OLFM3: variants seen among roughly 807,000 people sequenced by gnomAD.
OLFM3 encodes olfactomedin 3, also known as noelin-3.
A neutral mutation model predicts 48.6 loss-of-function variants in OLFM3; 20 were observed. The observed-to-expected ratio is 0.41, with a 90% CI of 0.29 to 0.60. OLFM3 has a LOEUF of 0.60. Among genes scored for constraint, OLFM3 ranks in the 20% least tolerant of loss-of-function variants. The pLI is 0.28. For synonymous variants in OLFM3, 222 were observed against 198.1 expected (o/e 1.12, Z -1.01); for missense variants, 437 against 544.3 (o/e 0.80, Z 1.96).
chr1:101,973,279 G>A (rs1376837878), intron 1 of OLFM3, among the ~76,000 whole-genome samples: 1 of 152,178 alleles, frequency 6.6e-6, no homozygotes, highest in East Asian at 1.9e-4. Context: ...TAACCATGGA[G>A]GCCAAAGGCC....
intron 1 of OLFM3, among the ~76,000 whole-genome samples, chr1:101,929,279 C>A (rs1981159): frequency 0.49 from 74,576 of 151,944 alleles, 18,824 homozygotes; most frequent in East Asian, 0.64. Context: ...CATTAGAATA[C>A]TGCTAAGTCC....
chr1:101,982,159 TACAAATTTAA>T (rs1661122145), intron 1 of OLFM3, among the ~76,000 whole-genome samples: 1 of 152,194 alleles, frequency 6.6e-6, no homozygotes, highest in South Asian at 2.1e-4. Context: ...AAAGAATTTA[TACAAATTTAA>T]ATAATTGATT....
intron 1 of OLFM3, among the ~76,000 whole-genome samples, chr1:101,855,482 A>G (rs1380802147): frequency 1.3e-5 from 2 of 152,112 alleles, no homozygotes; most frequent in African/African-American, 4.8e-5. Context: ...AAAAATAGCC[A>G]ATATTGATTT....
intron 4 of OLFM3, among the ~76,000 whole-genome samples, chr1:101,816,888 T>C (rs1430790847): frequency 6.6e-6 from 1 of 152,146 alleles, no homozygotes. Context: ...GATTTCTTCT[T>C]AGTAGATGCT....
chr1:101,853,363 C>A (rs9943277), intron 1 of OLFM3, among the ~76,000 whole-genome samples: 44,773 of 151,940 alleles, frequency 0.29, 7,306 homozygotes, highest in Non-Finnish European at 0.38. Context: ...CTCATAAGAT[C>A]TTTTCTGGCC....
intron 4 of OLFM3, among the ~76,000 whole-genome samples, chr1:101,807,635 T>C (rs1653838996): frequency 6.6e-6 from 1 of 151,854 alleles, no homozygotes; most frequent in Non-Finnish European, 1.5e-5. Context: ...GGTAACATTA[T>C]ATTTTGCACT....
At chr1:101,821,541 C>G (rs1027061240) in intron 4 of OLFM3, among the ~76,000 whole-genome samples, 3 of 151,890 alleles carry the variant, frequency 2.0e-5, no homozygotes, top group Non-Finnish European at 4.4e-5. Flanking sequence ...TGTGGTCCAG[C>G]GGATAAAATA....
At chr1:101,887,439 C>T (rs1657805978) in intron 1 of OLFM3, among the ~76,000 whole-genome samples, 1 of 151,740 alleles carries the variant, frequency 6.6e-6, no homozygotes, top group East Asian at 1.9e-4. Context: ...GAACATATAA[C>T]ATATTTAAAA....
chr1:101,851,481 G>A (rs1656219142), intron 1 of OLFM3, among the ~76,000 whole-genome samples: 1 of 152,134 alleles, frequency 6.6e-6, no homozygotes, highest in Admixed American at 6.6e-5. Flanking sequence ...CCTAGAGAAG[G>A]TGGAAAGTTT....
At chr1:101,929,003 C>T (rs1659363962) in intron 1 of OLFM3, among the ~76,000 whole-genome samples, 1 of 152,100 alleles carries the variant, frequency 6.6e-6, no homozygotes. Flanking sequence ...AAAGAGCATG[C>T]ATAGCCTGGG....
intron 1 of OLFM3, among the ~76,000 whole-genome samples, chr1:101,973,966 C>T (rs1660879540): frequency 6.6e-6 from 1 of 151,450 alleles, no homozygotes; most frequent in East Asian, 1.9e-4. Flanking sequence ...ACCATCCACC[C>T]TTAAAAAAGA....
intron 1 of OLFM3, among the ~76,000 whole-genome samples, chr1:101,970,088 T>C (rs1248225352): frequency 1.3e-5 from 2 of 151,974 alleles, no homozygotes; most frequent in Non-Finnish European, 2.9e-5. Flanking sequence ...TGATCTCAGC[T>C]CACTGCAACC....
intron 1 of OLFM3, among the ~76,000 whole-genome samples, chr1:101,968,735 C>G (rs1417304385): frequency 6.6e-6 from 1 of 152,178 alleles, no homozygotes; most frequent in Admixed American, 6.5e-5. Context: ...TGACTTCAGT[C>G]TGAGAGGAAG....
At chr1:101,891,472 T>TA (rs1220445519) in intron 1 of OLFM3, among the ~76,000 whole-genome samples, 1 of 151,818 alleles carries the variant, frequency 6.6e-6, no homozygotes, top group Admixed American at 6.6e-5. Context: ...ACTAGAGGAA[T>TA]AAAAAAATAT....
intron 1 of OLFM3, among the ~76,000 whole-genome samples, chr1:101,952,233 G>GGACT (rs1302470957): frequency 2.6e-5 from 4 of 152,026 alleles, no homozygotes; most frequent in East Asian, 3.9e-4. Context: ...CTCCTTTTTT[G>GGACT]GACTGACTTG....
At chr1:101,935,105 GA>G (rs1659568390) in intron 1 of OLFM3, among the ~76,000 whole-genome samples, 1 of 151,414 alleles carries the variant, frequency 6.6e-6, no homozygotes, top group African/African-American at 2.4e-5. Flanking sequence ...CAGAAGACAA[GA>G]AAAAACCAAA....
At chr1:101,986,865 G>T (rs1210782138) in intron 1 of OLFM3, among the ~76,000 whole-genome samples, 1 of 152,154 alleles carries the variant, frequency 6.6e-6, no homozygotes, top group Non-Finnish European at 1.5e-5. Context: ...CATTCTCTGT[G>T]TAGGGGTTGG....
At chr1:101,813,795 C>T (rs934952482) in intron 4 of OLFM3, among the ~76,000 whole-genome samples, 1 of 152,132 alleles carries the variant, frequency 6.6e-6, no homozygotes, top group East Asian at 1.9e-4. Flanking sequence ...TCCATCACAA[C>T]TTTTATTCCT....
chr1:101,811,079 AT>A (rs1654024777), intron 4 of OLFM3, among the ~76,000 whole-genome samples: 1 of 152,002 alleles, frequency 6.6e-6, no homozygotes, highest in Non-Finnish European at 1.5e-5. Flanking sequence ...ATTTGAAAAA[AT>A]ATACATACAC....
Sources: gnomAD v4.1 joint callset for allele counts (sites outside exome capture counted in the v4.1 genomes callset) on GRCh38, gnomAD v4.1.1 for gene constraint, MANE v1.5 for transcripts, NCBI Gene and HGNC (gene_info 2026-07-23, HGNC 2026-07-21) for gene names.